Variants in MAPK6 observed in about 807,000 individuals in gnomAD.
MAPK6 encodes the protein mitogen-activated protein kinase 6.
A neutral mutation model predicts 59.3 loss-of-function variants in MAPK6; 19 were observed. The ratio of observed to expected loss-of-function variants is 0.32; its 90% CI spans 0.22 to 0.47. The LOEUF is 0.47. Ranked by LOEUF, MAPK6 falls within the 20% of genes least tolerant of loss-of-function variation. The pLI is 1.00. For synonymous variants in MAPK6, 316 were observed against 290.3 expected (o/e 1.09, Z -0.90); for missense variants, 724 against 847.9 (o/e 0.85, Z 1.81).
chr15:52,014,620 T>C (rs2141835693), upstream of MAPK6, among the ~76,000 whole-genome samples: 1 of 150,960 alleles, frequency 6.6e-6, no homozygotes, highest in Admixed American at 6.6e-5. Context: ...GGCAAGAAGA[T>C]TGCTTGAGCC....
intron 1 of MAPK6, among the ~76,000 whole-genome samples, chr15:51,978,379 C>T (rs983651031): frequency 7.2e-5 from 11 of 151,922 alleles, no homozygotes; most frequent in Admixed American, 6.6e-5. Flanking sequence ...GGTGATCCAC[C>T]GGCCTTGGCC....
chr15:52,016,070 G>GCACGCA (rs1555396608), upstream of MAPK6, among the ~76,000 whole-genome samples: 2 of 55,392 alleles, frequency 3.6e-5, no homozygotes, highest in Non-Finnish European at 6.8e-5. Context: ...GCGCGCGCGC[G>GCACGCA]CACACACACA....
At chr15:52,010,406 G>T (rs985630865) in intron 3 of MAPK6, among the ~76,000 whole-genome samples, 2 of 151,256 alleles carry the variant, frequency 1.3e-5, no homozygotes. Context: ...GTAGAGACAG[G>T]GTTTCTCCAT....
chr15:52,061,889 G>GCCTT (rs1339878577), intron 5 of MAPK6, among the ~76,000 whole-genome samples: 2 of 152,002 alleles, frequency 1.3e-5, no homozygotes, highest in African/African-American at 2.4e-5. Flanking sequence ...ATGCTACTTT[G>GCCTT]AAACATTTTC....
chr15:52,053,329 G>A (rs566354629), intron 3 of MAPK6, among the ~76,000 whole-genome samples: 1 of 152,120 alleles, frequency 6.6e-6, no homozygotes, highest in Admixed American at 6.5e-5. Flanking sequence ...GCCCGCCTTG[G>A]CCTCCCAAAG....
chr15:52,063,495 G>A (rs2032287181), intron 5 of MAPK6, among the ~76,000 whole-genome samples: 2 of 151,412 alleles, frequency 1.3e-5, no homozygotes, highest in South Asian at 4.2e-4. Flanking sequence ...TCATGGTGAT[G>A]AGTTTTCCAG....
At chr15:51,995,836 G>A (rs1267739873) in intron 2 of MAPK6, among the ~76,000 whole-genome samples, 1 of 152,092 alleles carries the variant, frequency 6.6e-6, no homozygotes, top group African/African-American at 2.4e-5. Context: ...GCTGAGGCAG[G>A]AGAATCGCTT....
chr15:52,040,800 C>G (rs2031393524), intron 1 of MAPK6, among the ~76,000 whole-genome samples: 1 of 152,128 alleles, frequency 6.6e-6, no homozygotes, highest in Admixed American at 6.6e-5. Flanking sequence ...GCCTTATAAA[C>G]TTAGGAAGCT....
intron 5 of MAPK6, 81 bp from the exon 6 acceptor site, chr15:52,063,821 G>C: frequency 8.0e-7 from 1 of 1,252,266 alleles, no homozygotes; most frequent in South Asian, 1.6e-5. Context: ...CTAGCACAGT[G>C]CTGTCACATA....
intron 1 of MAPK6, among the ~76,000 whole-genome samples, chr15:52,029,501 G>A (rs2030946213): frequency 2.6e-5 from 4 of 151,752 alleles, no homozygotes; most frequent in Admixed American, 2.6e-4. Context: ...TTATGTTTCT[G>A]GTTTAGACTT....
intron 3 of MAPK6, among the ~76,000 whole-genome samples, chr15:52,051,733 G>A (rs1168036310): frequency 6.6e-6 from 1 of 152,044 alleles, no homozygotes; most frequent in African/African-American, 2.4e-5. Context: ...AATTAGCTGG[G>A]CATGGTGGCG....
In MAPK6 at chr15:52,066,788, GTGTGTATA is replaced by G. The variant is rs916654204; in HGVS notation, c.*1790_*1797del. ...CGTGTGTGTGTGTGTGTGTGTGTGT[GTGTGTATA>G]TATATTCATTTATTTATTTTCTGGT... On this transcript the variant is annotated 3_prime_UTR_variant, in exon 6 of 6. Coordinates refer to ENST00000261845, the MANE Select transcript of MAPK6 (RefSeq NM_002748.4). The G allele has an allele frequency of 2.6e-4, 36 of 140,786 alleles. 1 individual carries two copies. The highest frequency in any genetic ancestry group is 8.7e-4 in the Admixed American group (12 of 13,734). The allele number at this position is 140,786 out of a possible 1,614,324, so 8.7% of individuals were successfully genotyped here.
At chr15:51,993,820 C>A (rs2414125) in intron 2 of MAPK6, among the ~76,000 whole-genome samples, 145,416 of 147,770 alleles carry the variant, frequency 0.98, 71,582 homozygotes, top group South Asian at 1. Flanking sequence ...TTTTTTTTGA[C>A]ATGAGGTCTC....
In MAPK6 at chr15:52,066,654, CTCACT is replaced by C. The variant is rs1358701208; in HGVS notation, c.*1656_*1660del. ...TTCTCAACAACTCCATCCTCTTCAC[CTCACT>C]TTTCTTTCATCCTTGTTTTGTACAA... On this transcript the variant is annotated 3_prime_UTR_variant, in exon 6 of 6. Transcript: ENST00000261845. The C allele has an allele frequency of 6.6e-6, 1 of 150,630 alleles. No individual in the cohort carries two copies. The highest frequency in any genetic ancestry group is 1.5e-5 in the Non-Finnish European group (1 of 67,498). The allele number at this position is 150,630 out of a possible 1,614,324, so 9.3% of individuals were successfully genotyped here. A position where few individuals can be genotyped will look rare whatever the true frequency, so the allele number is the denominator to read the frequency against.
intron 1 of MAPK6, among the ~76,000 whole-genome samples, chr15:52,029,713 C>A (rs879920856): frequency 6.6e-6 from 1 of 152,154 alleles, no homozygotes; most frequent in Non-Finnish European, 1.5e-5. Context: ...CATAGCTAAT[C>A]CATCATCAAG....
rs1335367466 is a variant in MAPK6, at chr15:52,066,364, G to A, written c.*1364G>A. 2.0e-5 allele frequency: 3 copies of A among 152,286 alleles called. No homozygotes were observed. The highest frequency in any genetic ancestry group is 4.4e-5 in the Non-Finnish European group (3 of 68,018). 9.4% of individuals were successfully genotyped at this position (152,286 alleles called of 1,614,324 possible). A position where few individuals can be genotyped will look rare whatever the true frequency, so the allele number is the denominator to read the frequency against. ...ATGGCCATAAATTGCTAGTCTGAAA[G>A]GCTGAGAAGGTTCAAGTCTTTTGAC... On this transcript the variant is annotated 3_prime_UTR_variant, in exon 6 of 6. Coordinates refer to ENST00000261845, the MANE Select transcript of MAPK6 (RefSeq NM_002748.4).
chr15:52,036,404 G>A (rs573858709), intron 1 of MAPK6, among the ~76,000 whole-genome samples: 15 of 152,278 alleles, frequency 9.9e-5, no homozygotes, highest in African/African-American at 2.9e-4. Context: ...ATTTCTTACA[G>A]TTCTGGAGGC....
chr15:52,034,484 G>A (rs2031167531), intron 1 of MAPK6, among the ~76,000 whole-genome samples: 1 of 151,136 alleles, frequency 6.6e-6, no homozygotes, highest in African/African-American at 2.4e-5. Context: ...TCATTTTTGT[G>A]TTTTTTGTAG....
chr15:51,986,131 A>G (rs1230432226), intron 2 of MAPK6, among the ~76,000 whole-genome samples: 2 of 152,208 alleles, frequency 1.3e-5, no homozygotes. Context: ...CAGGAAACTT[A>G]CAATCATGAT....
Sources: gnomAD v4.1 joint callset for allele counts (sites outside exome capture counted in the v4.1 genomes callset) on GRCh38, gnomAD v4.1.1 for gene constraint, MANE v1.5 for transcripts, NCBI Gene and HGNC (gene_info 2026-07-23, HGNC 2026-07-21) for gene names.